LIMK1: variants seen among roughly 807,000 people sequenced by gnomAD.
LIMK1 encodes LIM domain kinase 1.
In LIMK1, 21 loss-of-function variants were observed where a neutral mutation model predicts 77.6. The observed-to-expected ratio is 0.27, with a 90% CI of 0.19 to 0.39. The LOEUF (loss-of-function observed/expected upper bound fraction) is 0.39, where lower values mean the gene tolerates loss of function less well. Among genes scored for constraint, LIMK1 ranks in the 10% least tolerant of loss-of-function variants. The pLI is 1.00. For missense variants in LIMK1, 696 were observed against 901.6 expected (o/e 0.77, Z 2.92); for synonymous variants, 358 against 370.0 (o/e 0.97, Z 0.37).
chr7:74,093,066 G>A, intron 2 of LIMK1: 1 of 1,322,808 alleles, frequency 7.6e-7, no homozygotes, highest in Admixed American at 3.0e-5. Flanking sequence ...ACTTCCTGTT[G>A]CAGGCTCAGA....
chr7:74,095,968 C>CTTT (rs869065672), intron 2 of LIMK1, among the ~76,000 whole-genome samples: 1 of 127,232 alleles, frequency 7.9e-6, no homozygotes, highest in Admixed American at 7.7e-5. Flanking sequence ...TTTTCTTTTT[C>CTTT]TTTTTTTTTT....
Position 74,121,432 on chromosome 7 carries a change from C to T in LIMK1, c.*131C>T. The T allele has an allele frequency of 1.1e-6, 1 of 937,264 alleles. No individual in the cohort carries two copies. Among genetic ancestry groups the T allele is most frequent in the South Asian group, 1.8e-5 (1 of 55,966 alleles). The allele number at this position is 937,264 out of a possible 1,614,324, so 58.1% of individuals were successfully genotyped here. On this transcript the variant is annotated 3_prime_UTR_variant, in exon 16 of 16. Coordinates refer to ENST00000336180, the MANE Select transcript of LIMK1 (RefSeq NM_002314.4). ...CTCCTCAGAGCCAGGCCCTGACTTG[C>T]CTTCTCCCACCCCGTGGACCGCTTC...
chr7:74,121,137 A>C lies in LIMK1; in HGVS notation c.1782-2A>C. On this transcript the variant is annotated splice_acceptor_variant, in intron 15 of 15. Coordinates refer to ENST00000336180, the MANE Select transcript of LIMK1 (RefSeq NM_002314.4). LOFTEE classifies it high-confidence loss of function. ...ACCGTTCCCCACCCACCTGTCACCCAGGCCATCCTTTGTGAAGCTGGAACA... is the reference window on the plus strand; with the variant it reads ...ACCGTTCCCCACCCACCTGTCACCCCGGCCATCCTTTGTGAAGCTGGAACA... 6.2e-7 allele frequency: 1 copy of C among 1,612,634 alleles called. No individual in the cohort carries two copies. Among genetic ancestry groups the C allele is most frequent in the Non-Finnish European group, 8.5e-7 (1 of 1,179,198 alleles).
chr7:74,121,411 T>G lies in LIMK1; in HGVS notation c.*110T>G, dbSNP rs974792516. The G allele has an allele frequency of 3.9e-5, 44 of 1,140,236 alleles. No homozygotes were observed. The highest frequency in any genetic ancestry group is 4.9e-5 in the Non-Finnish European group (41 of 828,406). The allele number at this position is 1,140,236 out of a possible 1,614,324, so 70.6% of individuals were successfully genotyped here. On this transcript the variant is annotated 3_prime_UTR_variant, in exon 16 of 16. Coordinates refer to ENST00000336180, the MANE Select transcript of LIMK1 (RefSeq NM_002314.4). ...GGACAGTGGGGACCCAGGCTTCTCC[T>G]CAGAGCCAGGCCCTGACTTGCCTTC...
In LIMK1 at chr7:74,107,169, G is replaced by A; in HGVS notation, c.1041G>A (p.Lys347=). ...SDLIHGEVLG[K]GCFGQAIKVT... is the part of the protein sequence containing the mutation. ...TCATCCACGGGGAGGTGCTGGGCAA[G>A]GGCTGCTTCGGCCAGGCTATCAAGG... Residue 347 remains lysine, a synonymous_variant, in exon 8 of 16, where the codon AAG becomes AAA. Coordinates refer to ENST00000336180, the MANE Select transcript of LIMK1 (RefSeq NM_002314.4). The A allele has an allele frequency of 6.2e-7, 1 of 1,611,742 alleles. No individual in the cohort carries two copies. The highest frequency in any genetic ancestry group is 8.5e-7 in the Non-Finnish European group (1 of 1,179,446).
chr7:74,120,419 G>C (rs1554700329), intron 13 of LIMK1, among the ~76,000 whole-genome samples, 164 bp from the exon 14 acceptor site: 1 of 152,182 alleles, frequency 6.6e-6, no homozygotes, highest in Non-Finnish European at 1.5e-5. Context: ...GGTGGGGTTG[G>C]GGGAAAGAGC....
intron 12 of LIMK1, among the ~76,000 whole-genome samples, chr7:74,114,199 ATCACG>A (rs1554699014): frequency 6.6e-6 from 1 of 152,044 alleles, no homozygotes; most frequent in East Asian, 1.9e-4. Flanking sequence ...GTGAGCCGAG[ATCACG>A]TCACTGCACT....
intron 2 of LIMK1, among the ~76,000 whole-genome samples, chr7:74,086,862 C>G (rs537889664): frequency 1.1e-3 from 162 of 152,286 alleles, no homozygotes; most frequent in Non-Finnish European, 1.9e-4. Flanking sequence ...ACCAGGCCAC[C>G]CTCAGTGTCT....
In LIMK1 at chr7:74,096,625, T is replaced by C. The variant is rs1554695633; in HGVS notation, c.156T>C (p.Cys52=). The C allele has an allele frequency of 6.2e-7, 1 of 1,613,932 alleles. No individual in the cohort carries two copies. Among genetic ancestry groups the C allele is most frequent in the Non-Finnish European group, 8.5e-7 (1 of 1,180,000 alleles). Residue 52 remains cysteine (C), a synonymous_variant, in exon 3 of 16, where the codon TGT becomes TGC. Transcript: ENST00000336180. ...CAGCCCGGCCCCTCTCCTGCAGGTG[T>C]TGTGACTGCAGTGCCTCCCTGTCGC... The part of the protein sequence containing the change: ...NADWHADCFR[C]CDCSASLSHQ...
In LIMK1 at chr7:74,099,188, C is replaced by T. The variant is rs1799403485; in HGVS notation, c.558C>T (p.His186=). The T allele has an allele frequency of 1.4e-5, 23 of 1,611,096 alleles. No homozygotes were observed. Among genetic ancestry groups the T allele is most frequent in the East Asian group, 2.2e-5 (1 of 44,880 alleles). ...TTTCAGTCTCCATTGACCCCCCGCA[C>T]GGCCCACCGGGCTGTGGCACCGAGC... ...RGLSVSIDPP[H]GPPGCGTEHS... is the part of the protein sequence containing the mutation. Residue 186 remains histidine (H), a synonymous_variant, in exon 5 of 16, where the codon CAC becomes CAT. Coordinates refer to ENST00000336180, the MANE Select transcript of LIMK1 (RefSeq NM_002314.4).
intron 13 of LIMK1, 89 bp downstream of exon 13, chr7:74,116,047 TC>T: frequency 7.3e-7 from 1 of 1,376,980 alleles, no homozygotes; most frequent in Non-Finnish European, 1.0e-6. Context: ...CCCTGGCCCC[TC>T]CCAGCCTCCT....
Position 74,120,716 on chromosome 7 carries a change from G to T in LIMK1, c.1623+78G>T, listed in dbSNP as rs1384012548. 1.7e-5 allele frequency: 26 copies of T among 1,568,492 alleles called. No homozygotes were observed. The Admixed American group carries it at 4.2e-4, about 25-fold the overall frequency. On this transcript the variant is annotated intron_variant, in intron 14 of 15. Transcript: ENST00000336180. ...CACCCAGGCTGCAGGCTCAGCATCTGCAGGGGCCTCATGCCAGGAAGCCTG... is the reference window on the plus strand; with the variant it reads ...CACCCAGGCTGCAGGCTCAGCATCTTCAGGGGCCTCATGCCAGGAAGCCTG...
At chr7:74,108,001 G>C in intron 9 of LIMK1, 44 bp downstream of exon 9, 1 of 1,407,440 alleles carries the variant, frequency 7.1e-7, no homozygotes, top group Non-Finnish European at 9.8e-7. Context: ...GGACTTCCAG[G>C]TGCTCACCCC....
At chr7:74,116,587 C>G (rs1002994148) in intron 13 of LIMK1, among the ~76,000 whole-genome samples, 1 of 152,012 alleles carries the variant, frequency 6.6e-6, no homozygotes, top group African/African-American at 2.4e-5. Flanking sequence ...TGGAGGCTTC[C>G]TCATTCCTCC....
At chr7:74,102,453 ATGC>A (rs1305412602) in intron 5 of LIMK1, among the ~76,000 whole-genome samples, 1 of 123,044 alleles carries the variant, frequency 8.1e-6, no homozygotes, top group Non-Finnish European at 1.7e-5. Context: ...CCCCACAATT[ATGC>A]TAGATATTCT....
chr7:74,108,065 G>T, intron 9 of LIMK1, 108 bp downstream of exon 9: 1 of 802,932 alleles, frequency 1.2e-6, no homozygotes, highest in Non-Finnish European at 2.1e-6. Context: ...AAAGAAGAGC[G>T]AGCAGGCCAG....
At chr7:74,106,694 AG>A (rs1799580974) in intron 7 of LIMK1, among the ~76,000 whole-genome samples, 1 of 152,120 alleles carries the variant, frequency 6.6e-6, no homozygotes, top group Non-Finnish European at 1.5e-5. Flanking sequence ...CAGGAGATGG[AG>A]GTTGCAGTGA....
intron 13 of LIMK1, among the ~76,000 whole-genome samples, chr7:74,117,357 C>A (rs1554699725): frequency 6.6e-6 from 1 of 151,994 alleles, no homozygotes; most frequent in African/African-American, 2.4e-5. Flanking sequence ...ATTGGGCCCA[C>A]CTGGATAATC....
At chr7:74,097,270 G>A (rs569054887) in intron 4 of LIMK1, 81 bp downstream of exon 4, 11 of 825,630 alleles carry the variant, frequency 1.3e-5, no homozygotes, top group African/African-American at 6.9e-5. Context: ...TCCCACACCC[G>A]GGCCTCCTGC....
Sources: allele counts gnomAD v4.1 joint callset (sites outside exome capture counted in the v4.1 genomes callset), GRCh38; gene constraint gnomAD v4.1.1; transcripts MANE v1.5; gene names NCBI Gene and HGNC (gene_info 2026-07-23, HGNC 2026-07-21).